FHIT: variants seen among roughly 807,000 people sequenced by gnomAD.
FHIT encodes the protein fragile histidine triad diadenosine triphosphatase, also known as bis(5'-adenosyl)-triphosphatase.
FHIT carries 19 observed loss-of-function variants against 17.9 expected under a neutral mutation model. That is an observed-to-expected ratio of 1.06 (90% CI 0.74 to 1.56). The LOEUF (loss-of-function observed/expected upper bound fraction) is 1.56. FHIT is among the 40% of genes most tolerant of loss of function. FHIT has a pLI of 0.00. For missense variants in FHIT, 248 were observed against 189.2 expected (o/e 1.31, Z -1.82); for synonymous variants, 81 against 69.7 (o/e 1.16, Z -0.81).
intron 5 of FHIT, among the ~76,000 whole-genome samples, chr3:60,467,802 T>A (rs1330813912): frequency 6.6e-6 from 1 of 152,130 alleles, no homozygotes; most frequent in Non-Finnish European, 1.5e-5. Context: ...TTGGATAAAA[T>A]GTTCTGTAAA....
chr3:61,010,972 T>A (rs1575833921), intron 3 of FHIT, among the ~76,000 whole-genome samples: 1 of 152,178 alleles, frequency 6.6e-6, no homozygotes, highest in Non-Finnish European at 1.5e-5. Flanking sequence ...AAAAGATAAA[T>A]TCTTGGAAAA....
intron 4 of FHIT, among the ~76,000 whole-genome samples, chr3:60,743,631 T>C (rs1418030637): frequency 6.6e-6 from 1 of 152,214 alleles, no homozygotes. Flanking sequence ...GGGAGATTTC[T>C]GTCCACATGC....
chr3:60,639,826 A>C (rs1403704900), intron 4 of FHIT, among the ~76,000 whole-genome samples: 3 of 152,218 alleles, frequency 2.0e-5, no homozygotes, highest in Non-Finnish European at 4.4e-5. Flanking sequence ...AAATGAATAC[A>C]TGTCCACACA....
intron 4 of FHIT, among the ~76,000 whole-genome samples, chr3:60,718,588 C>T (rs868971543): frequency 6.6e-6 from 1 of 152,218 alleles, no homozygotes; most frequent in Non-Finnish European, 1.5e-5. Flanking sequence ...AATGCCAAAT[C>T]TGCCAGTCAC....
chr3:61,147,220 T>C (rs1434037957), intron 2 of FHIT, among the ~76,000 whole-genome samples: 1 of 152,006 alleles, frequency 6.6e-6, no homozygotes, highest in Non-Finnish European at 1.5e-5. Flanking sequence ...TAATTAAGTC[T>C]CAAGGCAAAA....
intron 5 of FHIT, among the ~76,000 whole-genome samples, chr3:60,164,168 A>C (rs1034542332): frequency 2.0e-5 from 3 of 152,204 alleles, no homozygotes; most frequent in African/African-American, 7.2e-5. Flanking sequence ...TAATGCCAGC[A>C]GAGTTCAGGT....
At chr3:60,456,458 C>A (rs1447168408) in intron 5 of FHIT, among the ~76,000 whole-genome samples, 1 of 152,186 alleles carries the variant, frequency 6.6e-6, no homozygotes, top group African/African-American at 2.4e-5. Context: ...ACACTATGTA[C>A]CTTCTTAAAT....
chr3:61,240,424 C>T (rs2040346652), intron 1 of FHIT, among the ~76,000 whole-genome samples: 1 of 152,102 alleles, frequency 6.6e-6, no homozygotes, highest in African/African-American at 2.4e-5. Flanking sequence ...CAGCCCTGGC[C>T]CACTTCCTCT....
At chr3:59,785,066 C>T (rs996483003) in intron 8 of FHIT, among the ~76,000 whole-genome samples, 3 of 151,840 alleles carry the variant, frequency 2.0e-5, no homozygotes, top group Non-Finnish European at 4.4e-5. Flanking sequence ...GGGGAGTTGC[C>T]GCACACTTTT....
chr3:59,760,869 G>A (rs1400039067), intron 8 of FHIT, among the ~76,000 whole-genome samples: 1 of 151,112 alleles, frequency 6.6e-6, no homozygotes, highest in Non-Finnish European at 1.5e-5. Flanking sequence ...CACTCTGTCT[G>A]GAGTGTAGTG....
At chr3:60,558,007 C>T (rs2036801231) in intron 4 of FHIT, among the ~76,000 whole-genome samples, 1 of 152,058 alleles carries the variant, frequency 6.6e-6, no homozygotes, top group South Asian at 2.1e-4. Context: ...TTAAAAAACG[C>T]TTCTCTTGGA....
chr3:60,238,808 G>C (rs557095052), intron 5 of FHIT, among the ~76,000 whole-genome samples: 1 of 152,140 alleles, frequency 6.6e-6, no homozygotes, highest in East Asian at 1.9e-4. Flanking sequence ...ATACAACAAA[G>C]CAAAAAGAAA....
chr3:60,530,256 A>G (rs1274022157), intron 5 of FHIT, among the ~76,000 whole-genome samples: 1 of 152,216 alleles, frequency 6.6e-6, no homozygotes, highest in Non-Finnish European at 1.5e-5. Context: ...AGAAGAGTCA[A>G]GGAAGAGAAG....
rs140808650 is a variant in FHIT at position 60,595,819 on chromosome 3, T to A, written c.-17-58840A>T. ...CCGCCATGCCTGGCTAATTTTTTTT[T>A]AAGAGATGGGGTCTTGCTGTGTTGC... On this transcript the variant is annotated intron_variant, in intron 4 of 9. Coordinates refer to ENST00000492590, the MANE Select transcript of FHIT (RefSeq NM_002012.4). Among the ~76,000 whole-genome samples the A allele has an allele frequency of 6.0e-3, 908 of 151,956 alleles. 10 individuals carry two copies. The highest frequency in any genetic ancestry group is 0.02 in the African/African-American group (845 of 41,480).
chr3:61,190,695 T>C (rs1041368185), intron 2 of FHIT, among the ~76,000 whole-genome samples: 1 of 152,136 alleles, frequency 6.6e-6, no homozygotes, highest in Admixed American at 6.5e-5. Flanking sequence ...TGCCCAACAA[T>C]GATTGACTGG....
intron 5 of FHIT, among the ~76,000 whole-genome samples, chr3:60,083,295 T>A (rs902406361): frequency 6.6e-6 from 1 of 152,164 alleles, no homozygotes; most frequent in Non-Finnish European, 1.5e-5. Context: ...CTGGGTTTTT[T>A]ATTCTGTTCC....
At chr3:60,156,316 C>T (rs1167050394) in intron 5 of FHIT, among the ~76,000 whole-genome samples, 4 of 150,350 alleles carry the variant, frequency 2.7e-5, no homozygotes, top group South Asian at 2.1e-4. Flanking sequence ...TGCCACTGCA[C>T]TCCAGCCTGG....
chr3:60,115,777 A>C (rs1704929850), intron 5 of FHIT, among the ~76,000 whole-genome samples: 1 of 152,208 alleles, frequency 6.6e-6, no homozygotes, highest in Non-Finnish European at 1.5e-5. Flanking sequence ...GTATTGACAT[A>C]GTAAAGTATA....
At chr3:60,074,286 T>C (rs374166715) in intron 5 of FHIT, among the ~76,000 whole-genome samples, 1 of 152,026 alleles carries the variant, frequency 6.6e-6, no homozygotes, top group African/African-American at 2.4e-5. Context: ...TGTTAAACCT[T>C]TGTTCACTGG....
Sources: allele counts gnomAD v4.1 joint callset (sites outside exome capture counted in the v4.1 genomes callset), GRCh38; gene constraint gnomAD v4.1.1; transcripts MANE v1.5; gene names NCBI Gene and HGNC (gene_info 2026-07-23, HGNC 2026-07-21).